SGIP1: variants seen among roughly 807,000 people sequenced by gnomAD.
SGIP1 encodes SH3-containing GRB2-like protein 3-interacting protein 1.
SGIP1 carries 38 observed loss-of-function variants against 107.5 expected under a neutral mutation model. The ratio of observed to expected loss-of-function variants is 0.35; its 90% confidence interval spans 0.27 to 0.46. The LOEUF (loss-of-function observed/expected upper bound fraction) is 0.46, where lower values mean the gene tolerates loss of function less well. Ranked by LOEUF, SGIP1 falls within the 20% of genes least tolerant of loss-of-function variation. The pLI is 1.00. For synonymous variants in SGIP1, 365 were observed against 366.1 expected, an observed-to-expected ratio of 1.00 and a Z score of 0.03; for missense variants, 929 against 1,019.5, an observed-to-expected ratio of 0.91 and a Z score of 1.21.
chr1:66,654,788 C>T (rs1462359055), intron 7 of SGIP1, among the ~76,000 whole-genome samples: 2 of 152,172 alleles, frequency 1.3e-5, no homozygotes, highest in Admixed American at 1.3e-4. Flanking sequence ...TGCCCATGGA[C>T]CTTGGAGCTG....
chr1:66,583,225 G>A (rs1001760338), intron 1 of SGIP1, among the ~76,000 whole-genome samples: 1 of 152,082 alleles, frequency 6.6e-6, no homozygotes, highest in African/African-American at 2.4e-5. Flanking sequence ...ATGGAATTGT[G>A]CAAGAGATGA....
At chr1:66,557,505 C>T (rs770526861) in intron 1 of SGIP1, among the ~76,000 whole-genome samples, 94 of 152,074 alleles carry the variant, frequency 6.2e-4, no homozygotes, top group Non-Finnish European at 1.1e-3. Flanking sequence ...TTTCTCTATC[C>T]TCTCCTACAC....
At chr1:66,688,136 T>C (rs1186402473) in intron 15 of SGIP1, among the ~76,000 whole-genome samples, 1 of 152,110 alleles carries the variant, frequency 6.6e-6, no homozygotes, top group Non-Finnish European at 1.5e-5. Context: ...GGATGAAGTG[T>C]GGATATTTTC....
chr1:66,650,257 A>T (rs2078478146), intron 7 of SGIP1, among the ~76,000 whole-genome samples: 1 of 152,200 alleles, frequency 6.6e-6, no homozygotes, highest in South Asian at 2.1e-4. Flanking sequence ...TACCATCAAC[A>T]TCCCCTGAAT....
At chr1:66,547,755 A>G (rs529622571) in intron 1 of SGIP1, among the ~76,000 whole-genome samples, 7 of 152,168 alleles carry the variant, frequency 4.6e-5, no homozygotes, top group Non-Finnish European at 8.8e-5. Flanking sequence ...AATGAACAAG[A>G]TCATCTCAGA....
In SGIP1 at chr1:66,695,338, T is replaced by C. The variant is rs755284085; in HGVS notation, c.1571-96T>C. 3.4e-5 allele frequency: 55 copies of C among 1,602,992 alleles called. 1 individual carries two copies. Among genetic ancestry groups the C allele is most frequent in the Non-Finnish European group, 4.5e-5 (53 of 1,174,872 alleles). On this transcript the variant is annotated intron_variant, in intron 17 of 24. Transcript: ENST00000371037. ...CATGTAGTGCCTCCACCCTTCCCTA[T>C]AGTGAGATTAATGACCTGCTCTGTA... is the stretch of plus-strand genomic sequence containing the variant.
At chr1:66,683,015 A>G (rs1476717246) in intron 15 of SGIP1, among the ~76,000 whole-genome samples, 1 of 152,168 alleles carries the variant, frequency 6.6e-6, no homozygotes, top group Non-Finnish European at 1.5e-5. Flanking sequence ...TGTTCTCACC[A>G]GTTGACACAC....
At chr1:66,624,138 TA>T (rs2071985691) in intron 1 of SGIP1, among the ~76,000 whole-genome samples, 1 of 133,646 alleles carries the variant, frequency 7.5e-6, no homozygotes, top group African/African-American at 3.0e-5. Context: ...TACAGTCCTG[TA>T]AAAACCAGTG....
intron 1 of SGIP1, among the ~76,000 whole-genome samples, chr1:66,564,152 C>G (rs186502705): frequency 2.0e-4 from 30 of 152,088 alleles, no homozygotes; most frequent in Admixed American, 5.2e-4. Context: ...GTCTCTGAGA[C>G]AGATCTCTAA....
At chr1:66,554,292 C>T (rs1051191368) in intron 1 of SGIP1, among the ~76,000 whole-genome samples, 1 of 152,142 alleles carries the variant, frequency 6.6e-6, no homozygotes, top group Non-Finnish European at 1.5e-5. Flanking sequence ...AGTTAAAAAT[C>T]TTTTTCTTTG....
At chr1:66,736,436 G>A (rs994004657) in intron 21 of SGIP1, among the ~76,000 whole-genome samples, 1 of 125,936 alleles carries the variant, frequency 7.9e-6, no homozygotes, top group African/African-American at 2.8e-5. Context: ...CGTATTATAT[G>A]TGAATATAAT....
chr1:66,658,901 G>C (rs1369015727), intron 7 of SGIP1, among the ~76,000 whole-genome samples: 1 of 152,150 alleles, frequency 6.6e-6, no homozygotes, highest in African/African-American at 2.4e-5. Context: ...AAATGTTACT[G>C]ACCTTGAAGA....
chr1:66,664,211 GATAATTTAAGC>G (rs1371462756), intron 8 of SGIP1, among the ~76,000 whole-genome samples: 1 of 152,114 alleles, frequency 6.6e-6, no homozygotes, highest in Non-Finnish European at 1.5e-5. Context: ...TAGTCAATAA[GATAATTTAAGC>G]ACAGAAATAG....
intron 3 of SGIP1, 90 bp downstream of exon 3, chr1:66,633,184 GAA>G: frequency 1.2e-6 from 1 of 837,810 alleles, no homozygotes; most frequent in Non-Finnish European, 2.0e-6. Context: ...TTCCTGTAGG[GAA>G]AAAAATAGCT....
At chr1:66,606,610 A>G (rs2066898012) in intron 1 of SGIP1, among the ~76,000 whole-genome samples, 1 of 152,244 alleles carries the variant, frequency 6.6e-6, no homozygotes, top group South Asian at 2.1e-4. Flanking sequence ...AGAAACAGAT[A>G]CTGTGTATTC....
intron 18 of SGIP1, among the ~76,000 whole-genome samples, chr1:66,717,944 T>G (rs1385703318): frequency 6.6e-6 from 1 of 152,192 alleles, no homozygotes; most frequent in East Asian, 1.9e-4. Context: ...AACGACCATG[T>G]GTTTTTGAAT....
chr1:66,643,905 T>C (rs957795896), intron 7 of SGIP1, 186 bp downstream of exon 7: 1 of 414,182 alleles, frequency 2.4e-6, no homozygotes, highest in African/African-American at 2.1e-5. Flanking sequence ...TATATTGCAG[T>C]CCTTGTGCTT....
In SGIP1 at chr1:66,719,460, G is replaced by C. The variant is rs1184588486; in HGVS notation, c.1742+55G>C. 2.1e-6 allele frequency: 3 copies of C among 1,406,116 alleles called. No individual in the cohort carries two copies. In the African/African-American group the frequency reaches 4.3e-5, roughly 20 times the overall value. The allele number at this position is 1,406,116 out of a possible 1,614,324, so 87.1% of individuals were successfully genotyped here. A position where few individuals can be genotyped will look rare whatever the true frequency, so the allele number is the denominator to read the frequency against. ...TCTGAGTTCTGTCCTATTGAGTGTG[G>C]AACAGCCTAAATACAACCTTTTCAT... On this transcript the variant is annotated intron_variant, in intron 19 of 24. Coordinates refer to ENST00000371037, the MANE Select transcript of SGIP1 (RefSeq NM_032291.4).
chr1:66,673,380 C>T lies in SGIP1; in HGVS notation c.646+14C>T. ...AGAAGACAGAAGGTAGGAAAAGAAA[C>T]TCCATATATTATAGATTTGTTTTTT... On this transcript the variant is annotated intron_variant, in intron 12 of 24. Transcript: ENST00000371037. 1 of 1,581,782 alleles carries T rather than the reference C, an allele frequency of 6.3e-7. No individual in the cohort carries two copies. The highest frequency in any genetic ancestry group is 1.2e-5 in the South Asian group (1 of 84,374).
Sources: gnomAD v4.1 joint callset for allele counts (sites outside exome capture counted in the v4.1 genomes callset) on GRCh38, gnomAD v4.1.1 for gene constraint, MANE v1.5 for transcripts, NCBI Gene and HGNC (gene_info 2026-07-23, HGNC 2026-07-21) for gene names.